AFG1L: variants seen among roughly 807,000 people sequenced by gnomAD.
AFG1L encodes the protein AFG1 like ATPase, also known as AFG1-like ATPase.
In AFG1L, 53 loss-of-function variants were observed where a neutral mutation model predicts 62.2. The ratio of observed to expected loss-of-function variants is 0.85; its 90% confidence interval spans 0.68 to 1.07. AFG1L has a LOEUF of 1.07. AFG1L is among the 50% of genes least tolerant of loss of function. The probability of loss-of-function intolerance (pLI) is 0.00; values close to 1 mark genes in which losing one functional copy is unlikely to be tolerated. For missense variants in AFG1L, 555 were observed against 590.5 expected, an observed-to-expected ratio of 0.94 and a Z score of 0.62; for synonymous variants, 228 against 210.3, an observed-to-expected ratio of 1.08 and a Z score of -0.73.
chr6:108,407,376 A>G (rs1562140185), intron 7 of AFG1L, among the ~76,000 whole-genome samples: 1 of 152,068 alleles, frequency 6.6e-6, no homozygotes, highest in Non-Finnish European at 1.5e-5. Context: ...TTTAGCTCTA[A>G]GTCTGGGATA....
Position 108,333,893 on chromosome 6 carries a change from G to T in AFG1L, c.363+9845G>T, listed in dbSNP as rs555630478. ...TAGAAAGATTTGATAAAGCTGGAGG[G>T]TGGGTAACGAGGTGTTCCATATAGT... On this transcript the variant is annotated intron_variant, in intron 2 of 12. Transcript: ENST00000368977. Among the ~76,000 whole-genome samples, 8 of 152,308 alleles carry T rather than the reference G, an allele frequency of 5.3e-5. No individual in the cohort carries two copies. In the South Asian group the frequency reaches 1.5e-3, roughly 28 times the overall value.
rs1554199008 is a variant in AFG1L at position 108,447,342 on chromosome 6, G to T, written c.890+46G>T. 21 of 1,111,580 alleles carry T rather than the reference G, an allele frequency of 1.9e-5. No homozygotes were observed. In the East Asian group the frequency reaches 4.7e-4, roughly 25 times the overall value. The allele number at this position is 1,111,580 out of a possible 1,614,324, so 68.9% of individuals were successfully genotyped here. On this transcript the variant is annotated intron_variant, in intron 8 of 12. Coordinates refer to ENST00000368977, the MANE Select transcript of AFG1L (RefSeq NM_145315.5). ...AAGTTTAATGTCTAATCGTTAATCA[G>T]AAAAAGAACATAAAAATAAGCAGTT...
chr6:108,410,103 C>T (rs1054880954), intron 7 of AFG1L, among the ~76,000 whole-genome samples: 5 of 151,978 alleles, frequency 3.3e-5, no homozygotes, highest in African/African-American at 4.8e-5. Flanking sequence ...GTCAGGATTT[C>T]GAAACCAGCC....
chr6:108,352,593 C>T (rs1049825102), intron 3 of AFG1L, among the ~76,000 whole-genome samples: 9 of 152,124 alleles, frequency 5.9e-5, no homozygotes, highest in Non-Finnish European at 1.0e-4. Flanking sequence ...AGCAGGGTCT[C>T]GCTCTGTCGC....
chr6:108,381,559 A>G (rs1050321474), intron 6 of AFG1L, among the ~76,000 whole-genome samples: 1 of 152,138 alleles, frequency 6.6e-6, no homozygotes, highest in African/African-American at 2.4e-5. Context: ...CCTGGACAAC[A>G]TAGGAAGACC....
chr6:108,475,257 T>C (rs1344367819), intron 8 of AFG1L, among the ~76,000 whole-genome samples: 1 of 152,226 alleles, frequency 6.6e-6, no homozygotes, highest in Non-Finnish European at 1.5e-5. Flanking sequence ...TGTGTCTGTA[T>C]TGGTACCAGT....
intron 7 of AFG1L, among the ~76,000 whole-genome samples, chr6:108,414,967 G>C (rs1185962896): frequency 6.6e-6 from 1 of 152,184 alleles, no homozygotes; most frequent in Non-Finnish European, 1.5e-5. Flanking sequence ...ATTAGGAAAA[G>C]AGGAAGTCAA....
chr6:108,485,641 TA>T (rs1562189710), intron 10 of AFG1L, among the ~76,000 whole-genome samples: 17 of 18,080 alleles, frequency 9.4e-4, no homozygotes, highest in African/African-American at 4.6e-3. Context: ...TATATATATA[TA>T]TATATATATA....
chr6:108,431,681 A>G (rs1489706341), intron 7 of AFG1L, among the ~76,000 whole-genome samples: 4 of 149,136 alleles, frequency 2.7e-5, no homozygotes, highest in African/African-American at 5.0e-5. Context: ...GCTCACTGCA[A>G]CATCCTCTTC....
intron 2 of AFG1L, among the ~76,000 whole-genome samples, chr6:108,342,388 A>G (rs1413521302): frequency 6.6e-6 from 1 of 152,192 alleles, no homozygotes; most frequent in Non-Finnish European, 1.5e-5. Context: ...AGTTATAGGG[A>G]ATTAAATTTA....
intron 7 of AFG1L, among the ~76,000 whole-genome samples, chr6:108,403,463 A>G (rs1378928554): frequency 6.6e-6 from 1 of 152,122 alleles, no homozygotes; most frequent in Non-Finnish European, 1.5e-5. Context: ...TCCTTGACCA[A>G]TTTTAGGTTC....
intron 8 of AFG1L, among the ~76,000 whole-genome samples, chr6:108,472,004 T>G (rs749946907): frequency 1.3e-5 from 2 of 152,138 alleles, no homozygotes; most frequent in Admixed American, 1.3e-4. Context: ...TGGAATATTA[T>G]TCAACCTTAA....
rs193067625 is a variant in AFG1L, at chr6:108,419,742, A to T, written c.807+17688A>T. Among the ~76,000 whole-genome samples, 485 of 152,294 alleles carry T rather than the reference A, an allele frequency of 3.2e-3. 3 individuals carry two copies. The highest frequency in any genetic ancestry group is 0.012 in the South Asian group (60 of 4,826). Reference sequence around the variant, plus strand: ...GTTGTGCATCCTTTACATAAAACTTAAAAAAATTAAGTGATATATTAGTTT... The same window carrying T: ...GTTGTGCATCCTTTACATAAAACTTTAAAAAATTAAGTGATATATTAGTTT... On this transcript the variant is annotated intron_variant, in intron 7 of 12. Transcript: ENST00000368977.
chr6:108,445,633 T>TGAGAGAGAGA lies in AFG1L; in HGVS notation c.808-1542_808-1533dup, dbSNP rs59323063. Among the ~76,000 whole-genome samples the TGAGAGAGAGA allele has an allele frequency of 3.2e-3, 420 of 130,084 alleles. 5 individuals carry two copies. Among genetic ancestry groups the TGAGAGAGAGA allele is most frequent in the African/African-American group, 0.01 (345 of 34,474 alleles). 85.3% of individuals were successfully genotyped at this position (130,084 alleles called of 152,430 possible). A position where few individuals can be genotyped will look rare whatever the true frequency, so the allele number is the denominator to read the frequency against. Reference sequence around the variant, plus strand: ...TCTCAGAGCATAGGGACACCTAAGGTGAGAGAGAGAGAGAGAGAGAGAGAG... The same window carrying TGAGAGAGAGA: ...TCTCAGAGCATAGGGACACCTAAGGTGAGAGAGAGAGAGAGAGAGAGAGAGAGAGAGAGAG... On this transcript the variant is annotated intron_variant, in intron 7 of 12. Transcript: ENST00000368977.
intron 5 of AFG1L, among the ~76,000 whole-genome samples, chr6:108,362,983 G>A (rs951297389): frequency 2.0e-5 from 3 of 152,168 alleles, no homozygotes; most frequent in Admixed American, 6.5e-5. Flanking sequence ...AAATGGAATC[G>A]TATTAGTAGC....
At chr6:108,345,923 A>C (rs1220305053) in intron 2 of AFG1L, among the ~76,000 whole-genome samples, 1 of 152,174 alleles carries the variant, frequency 6.6e-6, no homozygotes, top group Non-Finnish European at 1.5e-5. Flanking sequence ...GAGATCATTC[A>C]GTTTCTCCAG....
chr6:108,418,281 A>G (rs76283378), intron 7 of AFG1L, among the ~76,000 whole-genome samples: 8,307 of 152,204 alleles, frequency 0.055, 563 homozygotes, highest in African/African-American at 0.16. Context: ...ATCAAGTTTT[A>G]TTGAAAAATT....
chr6:108,427,811 C>G (rs943991195), intron 7 of AFG1L, among the ~76,000 whole-genome samples: 1 of 152,116 alleles, frequency 6.6e-6, no homozygotes, highest in Non-Finnish European at 1.5e-5. Context: ...CGTGAGCCAC[C>G]ACCCCGGCCT....
intron 11 of AFG1L, among the ~76,000 whole-genome samples, chr6:108,514,555 A>G (rs1038815385): frequency 1.3e-5 from 2 of 152,248 alleles, no homozygotes; most frequent in African/African-American, 4.8e-5. Flanking sequence ...GTCAAATTGT[A>G]AAGACCATCG....
Sources: allele counts gnomAD v4.1 joint callset (sites outside exome capture counted in the v4.1 genomes callset), GRCh38; gene constraint gnomAD v4.1.1; transcripts MANE v1.5; gene names NCBI Gene and HGNC (gene_info 2026-07-23, HGNC 2026-07-21).